The following CORO2B variants were observed in gnomAD, a reference collection of about 807,000 sequenced individuals.
CORO2B encodes the protein coronin-2B.
Under a neutral mutation model 58.8 loss-of-function variants are expected in CORO2B, and 26 were observed. That is an observed-to-expected ratio of 0.44 (90% CI 0.32 to 0.61). The LOEUF is 0.61. CORO2B is among the 20% of genes least tolerant of loss of function. The probability of loss-of-function intolerance (pLI) is 0.04; values close to 1 mark genes in which losing one functional copy is unlikely to be tolerated. For missense variants in CORO2B, 460 were observed against 645.1 expected, an observed-to-expected ratio of 0.71 and a Z score of 3.11; for synonymous variants, 242 against 253.8, an observed-to-expected ratio of 0.95 and a Z score of 0.44.
intron 2 of CORO2B, among the ~76,000 whole-genome samples, chr15:68,650,311 C>G (rs138298225): frequency 0.033 from 4,274 of 127,880 alleles, 203 homozygotes; most frequent in African/African-American, 0.12. Context: ...GAGCTGAGAT[C>G]GCGCCACTGC....
chr15:68,558,858 C>T, the CORO2B span, among the ~76,000 whole-genome samples: 1 of 152,166 alleles, frequency 6.6e-6, no homozygotes, highest in African/African-American at 2.4e-5. Context: ...CAAGTTACTT[C>T]CCCTCTCTGG....
intron 1 of CORO2B, among the ~76,000 whole-genome samples, chr15:68,633,550 C>T (rs1008030911): frequency 6.6e-6 from 1 of 152,046 alleles, no homozygotes; most frequent in African/African-American, 2.4e-5. Flanking sequence ...CACACACTCA[C>T]TCCTTGGGGA....
At chr15:68,637,497 G>A (rs1443917798) in intron 1 of CORO2B, among the ~76,000 whole-genome samples, 2 of 152,164 alleles carry the variant, frequency 1.3e-5, no homozygotes, top group Non-Finnish European at 2.9e-5. Context: ...ATTTTCTCTT[G>A]TGTTCTCATG....
At chr15:68,576,776 A>G (rs1035624909), upstream of CORO2B, among the ~76,000 whole-genome samples, 1 of 151,916 alleles carries the variant, frequency 6.6e-6, no homozygotes, top group Non-Finnish European at 1.5e-5. Context: ...GGCCTAATTT[A>G]AATTTCCTCT....
upstream of CORO2B, among the ~76,000 whole-genome samples, chr15:68,575,280 T>TG (rs1417340996): frequency 2.0e-5 from 3 of 151,842 alleles, no homozygotes; most frequent in South Asian, 2.1e-4. Flanking sequence ...CACGGGTCTC[T>TG]GGGGAACTGA....
At chr15:68,530,843 T>G in the CORO2B span, among the ~76,000 whole-genome samples, 73 of 152,356 alleles carry the variant, frequency 4.8e-4, no homozygotes, top group African/African-American at 1.8e-3. Context: ...AAAATATGTA[T>G]GCCTTTACAT....
intron 1 of CORO2B, among the ~76,000 whole-genome samples, chr15:68,608,614 C>A (rs1245227791): frequency 2.0e-5 from 3 of 152,180 alleles, no homozygotes; most frequent in Non-Finnish European, 4.4e-5. Flanking sequence ...TGATGAGAGA[C>A]CTGTGGGTCA....
the CORO2B span, among the ~76,000 whole-genome samples, chr15:68,547,456 AGTT>A: frequency 6.6e-6 from 1 of 152,184 alleles, no homozygotes; most frequent in African/African-American, 2.4e-5. Flanking sequence ...CTACAATGAT[AGTT>A]GTTAATATTT....
intron 1 of CORO2B, among the ~76,000 whole-genome samples, chr15:68,585,197 C>T (rs190732823): frequency 7.0e-4 from 106 of 152,240 alleles, no homozygotes; most frequent in African/African-American, 2.5e-3. Context: ...GGGACGGTCC[C>T]CTCTATTTAG....
intron 1 of CORO2B, chr15:68,641,484 C>G: frequency 1.0e-6 from 1 of 961,992 alleles, no homozygotes; most frequent in Non-Finnish European, 1.2e-6. Context: ...GCAGAAGGAG[C>G]AGGGAAAAGG....
the CORO2B span, among the ~76,000 whole-genome samples, chr15:68,537,377 T>TGC: frequency 6.6e-6 from 1 of 152,076 alleles, no homozygotes; most frequent in Non-Finnish European, 1.5e-5. Context: ...GGCAATAGCA[T>TGC]GGGCACTCTG....
chr15:68,555,476 G>A, the CORO2B span, among the ~76,000 whole-genome samples: 1 of 152,116 alleles, frequency 6.6e-6, no homozygotes, highest in Admixed American at 6.5e-5. Flanking sequence ...TACCCACCCC[G>A]AGGCTGGGGG....
At chr15:68,573,763 G>T in the CORO2B span, among the ~76,000 whole-genome samples, 2 of 152,302 alleles carry the variant, frequency 1.3e-5, no homozygotes, top group South Asian at 4.1e-4. Context: ...CTCAAGCCGG[G>T]GATGCTTCAT....
Position 68,579,162 on chromosome 15 carries a change from C to T in CORO2B, c.-101C>T. 3 of 980,932 alleles carry T rather than the reference C, an allele frequency of 3.1e-6. No individual in the cohort carries two copies. Among genetic ancestry groups the T allele is most frequent in the Non-Finnish European group, 3.6e-6 (3 of 828,116 alleles). 60.8% of individuals were successfully genotyped at this position (980,932 alleles called of 1,614,324 possible). A position where few individuals can be genotyped will look rare whatever the true frequency, so the allele number is the denominator to read the frequency against. ...CGAGCCGCCGGCGGGGCGCGGGGAGCGAGCCGGGAGCTGCCGGACCCCCTT... is the reference window on the plus strand; with the variant it reads ...CGAGCCGCCGGCGGGGCGCGGGGAGTGAGCCGGGAGCTGCCGGACCCCCTT... On this transcript the variant is annotated 5_prime_UTR_variant, in exon 1 of 12. Transcript: ENST00000261861.
intron 1 of CORO2B, among the ~76,000 whole-genome samples, chr15:68,620,479 C>T (rs1258398575): frequency 6.6e-6 from 1 of 152,146 alleles, no homozygotes; most frequent in Non-Finnish European, 1.5e-5. Flanking sequence ...TAAACTGAGG[C>T]CCAGAAAGGA....
At chr15:68,552,731 T>A in the CORO2B span, among the ~76,000 whole-genome samples, 1 of 152,182 alleles carries the variant, frequency 6.6e-6, no homozygotes, top group African/African-American at 2.4e-5. Flanking sequence ...ATCGCATGCT[T>A]CCTTCAGCTA....
chr15:68,651,950 G>A (rs1397491126), intron 2 of CORO2B, among the ~76,000 whole-genome samples: 1 of 152,156 alleles, frequency 6.6e-6, no homozygotes, highest in Non-Finnish European at 1.5e-5. Flanking sequence ...CAACAACCGC[G>A]AAGATGCTTT....
intron 1 of CORO2B, among the ~76,000 whole-genome samples, chr15:68,626,704 T>C (rs1219060705): frequency 5.3e-5 from 8 of 152,182 alleles, no homozygotes. Context: ...TCAGGCCCCA[T>C]CATCAAGTCC....
chr15:68,700,902 C>G (rs1198015452), intron 3 of CORO2B, among the ~76,000 whole-genome samples: 1 of 152,010 alleles, frequency 6.6e-6, no homozygotes, highest in Non-Finnish European at 1.5e-5. Flanking sequence ...GCTGGTGGGC[C>G]GAGCTCCACA....
Sources: allele counts gnomAD v4.1 joint callset (sites outside exome capture counted in the v4.1 genomes callset), GRCh38; gene constraint gnomAD v4.1.1; transcripts MANE v1.5; gene names NCBI Gene and HGNC (gene_info 2026-07-23, HGNC 2026-07-21).